Variants in LSR observed in about 807,000 individuals in gnomAD.
LSR encodes the protein lipolysis-stimulated lipoprotein receptor.
In LSR, 44 loss-of-function variants were observed where a neutral mutation model predicts 61.8. The ratio of observed to expected loss-of-function variants is 0.71; its 90% confidence interval spans 0.56 to 0.91. LSR has a LOEUF of 0.91. LSR is among the 40% of genes least tolerant of loss of function. LSR has a pLI of 0.00. For synonymous variants in LSR, 397 were observed against 350.6 expected, an observed-to-expected ratio of 1.13 and a Z score of -1.48; for missense variants, 911 against 830.5, an observed-to-expected ratio of 1.10 and a Z score of -1.19.
chr19:35,252,736 G>C (rs2065810160), intron 2 of LSR, among the ~76,000 whole-genome samples: 1 of 151,864 alleles, frequency 6.6e-6, no homozygotes. Context: ...ACCAGGCTGG[G>C]TGCATTGGCT....
intron 4 of LSR, among the ~76,000 whole-genome samples, chr19:35,262,341 C>T (rs2065941034): frequency 6.6e-6 from 1 of 152,136 alleles, no homozygotes; most frequent in Admixed American, 6.5e-5. Flanking sequence ...AGGGCCGTAA[C>T]TGGGGAATGG....
rs148172260 is a variant in LSR at position 35,250,411 on chromosome 19, C to T, written c.206C>T (p.Ser69Leu). 433 of 1,613,794 alleles carry T rather than the reference C, an allele frequency of 2.7e-4. 3 individuals are homozygous for T. In the South Asian group the frequency reaches 3.7e-3, roughly 14 times the overall value. Residue 69 changes from serine (S) to leucine (L), a missense_variant, in exon 2 of 10, where the codon TCG (serine) becomes TTG (leucine). Transcript: ENST00000605618. ...CTGCCCTGTACCTACCAGATGACCT[C>T]GACCCCCACGCAACCCATCGTCATC... ...VTLPCTYQMT[S>L]TPTQPIVIWK...
At chr19:35,251,102 TCTA>T (rs1173483366) in intron 2 of LSR, among the ~76,000 whole-genome samples, 3 of 152,172 alleles carry the variant, frequency 2.0e-5, no homozygotes, top group African/African-American at 7.2e-5. Context: ...GCGATTCTAT[TCTA>T]CTATTCTTCC....
At position 35,262,649 on chromosome 19, in the gene LSR, CA is replaced by C. The variant is rs770371541; in HGVS notation, c.736del (p.Arg246GlyfsTer49). On this transcript the variant is annotated frameshift_variant, in exon 5 of 10. Transcript: ENST00000605618. LOFTEE classifies it high-confidence loss of function. ...GCCCGCACACTTGCTGCTGCTACGT[CA>C]GGTGCCCCTGCTGCCCAGACAAGTG... ...CCPHTCCCYV[R>X]CPCCPDKCCC... 4 of 1,614,162 alleles carry C rather than the reference CA, an allele frequency of 2.5e-6. No individual in the cohort carries two copies. The highest frequency in any genetic ancestry group is 3.4e-6 in the Non-Finnish European group (4 of 1,180,030).
intron 5 of LSR, among the ~76,000 whole-genome samples, chr19:35,265,736 G>T (rs2065988695): frequency 5.3e-5 from 8 of 152,172 alleles, no homozygotes; most frequent in Admixed American, 5.2e-4. Flanking sequence ...AACACTAGAG[G>T]AGACACTTTG....
At chr19:35,266,632 G>A in intron 6 of LSR, 47 bp from the exon 7 acceptor site, 2 of 1,598,332 alleles carry the variant, frequency 1.3e-6, no homozygotes, top group South Asian at 1.1e-5. Flanking sequence ...GAGCCGAGGA[G>A]GGGCTCTGCT....
At chr19:35,261,327 A>G (rs1259093687) in intron 3 of LSR, among the ~76,000 whole-genome samples, 1 of 152,228 alleles carries the variant, frequency 6.6e-6, no homozygotes, top group African/African-American at 2.4e-5. Context: ...TTATGTTGTC[A>G]CAAAGAGTTT....
At chr19:35,252,955 A>C (rs1408711661) in intron 2 of LSR, among the ~76,000 whole-genome samples, 1 of 152,250 alleles carries the variant, frequency 6.6e-6, no homozygotes, top group Middle Eastern at 3.4e-3. Flanking sequence ...TGAGAGGTCA[A>C]GGCTTCAGTG....
At position 35,249,064 on chromosome 19, in the gene LSR, C is replaced by A. The variant is rs773113816; in HGVS notation, c.42C>A (p.Ser14=). The change falls in exon 1 of 10, where the codon TCC becomes TCA. Residue 14 remains serine (S), a synonymous_variant. Transcript: ENST00000605618. The stretch of plus-strand genomic sequence containing the variant: ...GCGGGCTCTCCAGAGGGCTGGGCTC[C>A]CACCCGGCCGCCGCAGGCCGGGACG... ...LAGGLSRGLG[S]HPAAAGRDAV... 1 of 1,570,426 alleles carries A rather than the reference C, an allele frequency of 6.4e-7. No homozygotes were observed. Among genetic ancestry groups the A allele is most frequent in the Non-Finnish European group, 8.6e-7 (1 of 1,159,436 alleles).
chr19:35,267,397 C>T lies in LSR; in HGVS notation c.1433C>T (p.Pro478Leu). The T allele has an allele frequency of 6.2e-7, 1 of 1,607,094 alleles. No individual in the cohort carries two copies. The highest frequency in any genetic ancestry group is 8.5e-7 in the Non-Finnish European group (1 of 1,177,540). Residue 478 changes from proline to leucine, a missense_variant, in exon 9 of 10, where the codon CCG (proline) becomes CTG (leucine). Coordinates refer to ENST00000605618, the MANE Select transcript of LSR (RefSeq NM_205834.4). The stretch of plus-strand genomic sequence containing the variant: ...GGGAGAAGCCGGGCCTACATGCCCC[C>T]GCGGAGCCGCAGCCGGGACGACCTC... ...NGGRSRAYMP[P>L]RSRSRDDLYD... is the part of the protein sequence containing the mutation.
At chr19:35,265,650 A>G (rs530805778) in intron 5 of LSR, among the ~76,000 whole-genome samples, 1 of 152,294 alleles carries the variant, frequency 6.6e-6, no homozygotes, top group Non-Finnish European at 1.5e-5. Context: ...GAAGGAAGGG[A>G]GGAGGATCTT....
intron 3 of LSR, among the ~76,000 whole-genome samples, chr19:35,260,855 CGCAT>C (rs2065918930): frequency 6.6e-6 from 1 of 151,850 alleles, no homozygotes; most frequent in Admixed American, 6.6e-5. Flanking sequence ...CACACACACA[CGCAT>C]ATAGTCCATT....
chr19:35,251,991 C>G (rs979611793), intron 2 of LSR, among the ~76,000 whole-genome samples: 1 of 150,514 alleles, frequency 6.6e-6, no homozygotes, highest in African/African-American at 2.4e-5. Flanking sequence ...CCCGCCACTA[C>G]GCCCGGCTAA....
In LSR at chr19:35,266,893, T is replaced by C. The variant is rs2066009224; in HGVS notation, c.1070T>C (p.Leu357Pro). The stretch of plus-strand genomic sequence containing the variant: ...CAGCAGGACGACTCCATGCGGGTCC[T>C]GTACTACATGGAGAAGGAGCTGGCC... ...ASQQDDSMRV[L>P]YYMEKELANF... is the part of the protein sequence containing the mutation. The change falls in exon 8 of 10, where the codon CTG becomes CCG. Residue 357 changes from leucine to proline, a missense_variant. By Grantham distance (98) the Leu-to-Pro change is moderately conservative (BLOSUM62 -3). Coordinates refer to ENST00000605618, the MANE Select transcript of LSR (RefSeq NM_205834.4). 1.9e-6 allele frequency: 3 copies of C among 1,613,608 alleles called. No individual in the cohort carries two copies. Among genetic ancestry groups the C allele is most frequent in the Non-Finnish European group, 1.7e-6 (2 of 1,179,780 alleles).
chr19:35,265,307 ACAC>A lies in LSR; in HGVS notation c.779-1048_779-1046del, dbSNP rs1159409065. 3.9e-5 allele frequency among the ~76,000 whole-genome samples: 6 copies of A among 152,148 alleles called. No individual in the cohort carries two copies. In the East Asian group the frequency reaches 5.8e-4, roughly 15 times the overall value. On this transcript the variant is annotated intron_variant, in intron 5 of 9. Coordinates refer to ENST00000605618, the MANE Select transcript of LSR (RefSeq NM_205834.4). ...CCCAATGCCACATTCCCCTGTCCCC[ACAC>A]CACATTTCCTCCATCCGGAGACCCT...
At position 35,250,513 on chromosome 19, in the gene LSR, C is replaced by T. The variant is rs1191499153; in HGVS notation, c.308C>T (p.Ala103Val). The change falls in exon 2 of 10, where the codon GCC becomes GTC. Residue 103 changes from alanine (A) to valine (V), a missense_variant. Ala to Val is a moderately conservative substitution (Grantham distance 64). Coordinates refer to ENST00000605618, the MANE Select transcript of LSR (RefSeq NM_205834.4). ...SPASVDNQLN[A>V]QLAAGNPGYN... ...GCCAGCGTCGACAACCAGCTCAATG[C>T]CCAGCTGGCAGCCGGGAACCCAGGC... 4.3e-6 allele frequency: 7 copies of T among 1,614,034 alleles called. No homozygotes were observed. Among genetic ancestry groups the T allele is most frequent in the Non-Finnish European group, 5.9e-6 (7 of 1,180,030 alleles).
intron 6 of LSR, 28 bp from the exon 7 acceptor site, chr19:35,266,651 G>T (rs560345701): frequency 1.9e-6 from 3 of 1,601,454 alleles, no homozygotes; most frequent in Admixed American, 3.5e-5. Flanking sequence ...CTCCTGGTGC[G>T]CGGCCACTGA....
Position 35,249,225 on chromosome 19 carries a change from G to T in LSR, c.109+94G>T, listed in dbSNP as rs2065758373. On this transcript the variant is annotated intron_variant, in intron 1 of 9. Coordinates refer to ENST00000605618, the MANE Select transcript of LSR (RefSeq NM_205834.4). ...GGAGGCGGCGGGAAGCGGGAAGCGG[G>T]GGTCTCAGAGGCTGGGACCTTCCGA... is the stretch of plus-strand genomic sequence containing the variant. 4.2e-6 allele frequency: 6 copies of T among 1,433,764 alleles called. 1 individual carries two copies. In the South Asian group the frequency reaches 8.1e-5, roughly 19 times the overall value. 88.8% of individuals were successfully genotyped at this position (1,433,764 alleles called of 1,614,324 possible). A position where few individuals can be genotyped will look rare whatever the true frequency, so the allele number is the denominator to read the frequency against.
rs1568438598 is a variant in LSR at position 35,249,133 on chromosome 19, T to TACGGGGC, written c.109+10_109+16dup. 6.5e-7 allele frequency: 1 copy of TACGGGGC among 1,535,506 alleles called. No homozygotes were observed. Among genetic ancestry groups the TACGGGGC allele is most frequent in the Non-Finnish European group, 8.7e-7 (1 of 1,144,140 alleles). On this transcript the variant is annotated splice_region_variant and intron_variant, in intron 1 of 9. Transcript: ENST00000605618. ...TTCTGCTTAGCACCTGGTGCACAGG[T>TACGGGGC]ACGGGGCACGGGGCCTCTGACGCTG...
Sources: gnomAD v4.1 joint callset for allele counts (sites outside exome capture counted in the v4.1 genomes callset) on GRCh38, gnomAD v4.1.1 for gene constraint, MANE v1.5 for transcripts, NCBI Gene and HGNC (gene_info 2026-07-23, HGNC 2026-07-21) for gene names.